CCDC24: variants seen among roughly 807,000 people sequenced by gnomAD.
CCDC24 encodes the protein coiled-coil domain-containing protein 24.
In CCDC24, 34 loss-of-function variants were observed where a neutral mutation model predicts 31.6. The observed-to-expected ratio is 1.08, with a 90% CI of 0.82 to 1.43. The LOEUF (loss-of-function observed/expected upper bound fraction) is 1.43. Among genes scored for constraint, CCDC24 ranks in the 40% most tolerant of loss-of-function variants. The pLI is 0.00. For missense variants in CCDC24, 426 were observed against 391.1 expected, an observed-to-expected ratio of 1.09 and a Z score of -0.75; for synonymous variants, 175 against 157.3, an observed-to-expected ratio of 1.11 and a Z score of -0.84.
At chr1:43,991,773 A>G (rs1302545641) in intron 1 of CCDC24, 27 bp downstream of exon 1, 2 of 1,425,128 alleles carry the variant, frequency 1.4e-6, no homozygotes, top group South Asian at 1.2e-5. Flanking sequence ...GGCGGGGCCC[A>G]TAGAGGGGCG....
At chr1:43,992,922 A>G (rs1469086909) in intron 4 of CCDC24, among the ~76,000 whole-genome samples, 20 of 152,230 alleles carry the variant, frequency 1.3e-4, no homozygotes, top group Non-Finnish European at 2.4e-4. Flanking sequence ...CTTTGTAGGA[A>G]GAGGGAAGAA....
chr1:43,994,733 G>C (rs561640746), intron 5 of CCDC24: 2 of 237,130 alleles, frequency 8.4e-6, no homozygotes, highest in African/African-American at 4.5e-5. Context: ...GAGCCACCTC[G>C]CCTGGCCGAC....
chr1:43,991,731 CA>C lies in CCDC24; in HGVS notation c.-47del. 1 of 1,051,602 alleles carries C rather than the reference CA, an allele frequency of 9.5e-7. No individual in the cohort carries two copies. The highest frequency in any genetic ancestry group is 1.4e-6 in the Non-Finnish European group (1 of 704,534). The allele number at this position is 1,051,602 out of a possible 1,614,324, so 65.1% of individuals were successfully genotyped here. A position where few individuals can be genotyped will look rare whatever the true frequency, so the allele number is the denominator to read the frequency against. ...AACGGGCAATCCCAGCCGAGGGGAC[CA>C]GCGGCAGAGCACGGGTGGGGCTTGG... On this transcript the variant is annotated 5_prime_UTR_variant, in exon 1 of 9. Coordinates refer to ENST00000372318, the MANE Select transcript of CCDC24 (RefSeq NM_152499.4).
chr1:43,994,739 C>T lies in CCDC24; in HGVS notation c.498-369C>T, dbSNP rs2085801233. On this transcript the variant is annotated intron_variant, in intron 5 of 8. Coordinates refer to ENST00000372318, the MANE Select transcript of CCDC24 (RefSeq NM_152499.4). Reference sequence around the variant, plus strand: ...TACAGGCATGAGCCACCTCGCCTGGCCGACCCTGTTTCAAAAATAAATACC... The same window carrying T: ...TACAGGCATGAGCCACCTCGCCTGGTCGACCCTGTTTCAAAAATAAATACC... The T allele has an allele frequency of 2.0e-5, 5 of 253,392 alleles. No homozygotes were observed. The South Asian group carries it at 4.0e-4, about 20-fold the overall frequency. The allele number at this position is 253,392 out of a possible 1,614,324, so 15.7% of individuals were successfully genotyped here.
chr1:43,996,486 G>GAGAC lies in CCDC24; in HGVS notation c.*329_*332dup, dbSNP rs748772159. ...CCAGACAAAGCACAGCAGCCGCTCAGAGACAGGAATAGAAATTTCATTAAA... is the reference window on the plus strand; with the variant it reads ...CCAGACAAAGCACAGCAGCCGCTCAGAGACAGACAGGAATAGAAATTTCATTAAA... On this transcript the variant is annotated 3_prime_UTR_variant, in exon 9 of 9. Transcript: ENST00000372318. 7 of 344,430 alleles carry GAGAC rather than the reference G, an allele frequency of 2.0e-5. No individual in the cohort carries two copies. The highest frequency in any genetic ancestry group is 3.7e-5 in the Non-Finnish European group (7 of 189,962). The allele number at this position is 344,430 out of a possible 1,614,324, so 21.3% of individuals were successfully genotyped here.
chr1:43,995,424 A>ACTAT lies in CCDC24; in HGVS notation c.553-174_553-171dup. On this transcript the variant is annotated intron_variant, in intron 6 of 8. Coordinates refer to ENST00000372318, the MANE Select transcript of CCDC24 (RefSeq NM_152499.4). The surrounding 1 kb of genome is among the most constrained non-coding windows in gnomAD (Gnocchi z 4.3). ...CCTAAGTCTGGGTACAGGCCCCACCACTATCTTGCCAAACTCAGCTCTTCC... is the reference window on the plus strand; with the variant it reads ...CCTAAGTCTGGGTACAGGCCCCACCACTATCTATCTTGCCAAACTCAGCTCTTCC... The ACTAT allele has an allele frequency of 2.7e-6, 2 of 752,542 alleles. No individual in the cohort carries two copies. The highest frequency in any genetic ancestry group is 2.1e-6 in the Non-Finnish European group (1 of 472,862). The allele number at this position is 752,542 out of a possible 1,614,324, so 46.6% of individuals were successfully genotyped here.
At position 43,994,053 on chromosome 1, in the gene CCDC24, G is replaced by A. The variant is rs543055970; in HGVS notation, c.497+89G>A. On this transcript the variant is annotated intron_variant, in intron 5 of 8. Coordinates refer to ENST00000372318, the MANE Select transcript of CCDC24 (RefSeq NM_152499.4). ...GCTGGGATTGTGAGACAGGAGGTGG[G>A]TAGTATACTTGGCGGGGAGGCCCAT... 37 of 1,204,784 alleles carry A rather than the reference G, an allele frequency of 3.1e-5. No homozygotes were observed. In the East Asian group the frequency reaches 8.3e-4, roughly 27 times the overall value. The allele number at this position is 1,204,784 out of a possible 1,614,324, so 74.6% of individuals were successfully genotyped here. A position where few individuals can be genotyped will look rare whatever the true frequency, so the allele number is the denominator to read the frequency against.
rs201854412 is a variant in CCDC24, at chr1:43,992,240, A to G, written c.155A>G (p.Glu52Gly). The G allele has an allele frequency of 7.5e-5, 121 of 1,613,462 alleles. No homozygotes were observed. The highest frequency in any genetic ancestry group is 1.0e-4 in the Non-Finnish European group (118 of 1,179,814). ...GCGATGTTACGGGCACTGCTCCAAG[A>G]GGCTCGATCCTCTCAAGCCCCCAGC... Reference protein sequence around the residue: ...EVAMLRALLQEARSSQAPSSR... With the variant: ...EVAMLRALLQGARSSQAPSSR... The change falls in exon 3 of 9, where the codon GAG becomes GGG. Residue 52 changes from glutamate (E) to glycine (G), a missense_variant. Glu to Gly is a moderately conservative substitution (Grantham distance 98). Transcript: ENST00000372318.
rs930313285 is a variant in CCDC24 at position 43,993,886 on chromosome 1, G to A, written c.420-1G>A. ...GAGAGTGATAGTGACTTCATTGCCA[G>A]CAGCGGTCACAGAGATCTCAGCATC... is the stretch of plus-strand genomic sequence containing the variant. On this transcript the variant is annotated splice_acceptor_variant, in intron 4 of 8. Transcript: ENST00000372318. LOFTEE classifies it high-confidence loss of function. The A allele has an allele frequency of 1.2e-6, 2 of 1,614,144 alleles. No homozygotes were observed. The highest frequency in any genetic ancestry group is 3.3e-5 in the Admixed American group (2 of 60,032).
rs2085813647 is a variant in CCDC24, at chr1:43,995,126, G to C, written c.516G>C (p.Glu172Asp). ...ARHLRGLLEE[E>D]CHTLEREILI... ...GTCCCAGGGGCCTTCTGGAGGAGGA[G>C]TGTCACACCTTGGAGAGGGAGATCC... The change falls in exon 6 of 9, where the codon GAG becomes GAC. Residue 172 changes from glutamate (E) to aspartate (D), a missense_variant. By Grantham distance (45) the Glu-to-Asp change is conservative. Transcript: ENST00000372318. This position sits in a 1 kb window ranked among gnomAD's most constrained non-coding sequence, Gnocchi z 4.3. The C allele has an allele frequency of 1.9e-6, 3 of 1,583,156 alleles. No homozygotes were observed. Among genetic ancestry groups the C allele is most frequent in the Admixed American group, 1.8e-5 (1 of 56,168 alleles).
At position 43,995,915 on chromosome 1, in the gene CCDC24, C is replaced by T. The variant is rs763976048; in HGVS notation, c.702-23C>T. On this transcript the variant is annotated intron_variant, in intron 8 of 8. Coordinates refer to ENST00000372318, the MANE Select transcript of CCDC24 (RefSeq NM_152499.4). This position sits in a 1 kb window ranked among gnomAD's most constrained non-coding sequence, Gnocchi z 4.3. ...ACTGAAGGATCAGACCACCACCCCT[C>T]ACAGTTACTCTTTCTTGTCCAGGCA... 1.5e-5 allele frequency: 25 copies of T among 1,613,800 alleles called. No homozygotes were observed. Among genetic ancestry groups the T allele is most frequent in the Non-Finnish European group, 1.9e-5 (23 of 1,179,706 alleles).
In CCDC24 at chr1:43,996,316, C is replaced by T; in HGVS notation, c.*156C>T. 1 of 666,046 alleles carries T rather than the reference C, an allele frequency of 1.5e-6. No individual in the cohort carries two copies. Among genetic ancestry groups the T allele is most frequent in the South Asian group, 2.1e-5 (1 of 48,572 alleles). 41.3% of individuals were successfully genotyped at this position (666,046 alleles called of 1,614,324 possible). ...GGTCTGTCTGGCCCTTGCCCCACCC[C>T]CTTGCCAGATCCCTGGTGTCTGGAG... On this transcript the variant is annotated 3_prime_UTR_variant, in exon 9 of 9. Transcript: ENST00000372318.
At position 43,992,405 on chromosome 1, in the gene CCDC24, G is replaced by T. The variant is rs2085762817; in HGVS notation, c.302+18G>T. 1 of 1,613,824 alleles carries T rather than the reference G, an allele frequency of 6.2e-7. No individual in the cohort carries two copies. The highest frequency in any genetic ancestry group is 2.2e-5 in the East Asian group (1 of 44,870). On this transcript the variant is annotated intron_variant, in intron 3 of 8. Coordinates refer to ENST00000372318, the MANE Select transcript of CCDC24 (RefSeq NM_152499.4). ...GAGGGCAGGTGGGAGCCTCAGGCCT[G>T]GGCCCTTTCCCTAGATACCAGGTGG...
chr1:43,995,919 G>T lies in CCDC24; in HGVS notation c.702-19G>T. The T allele has an allele frequency of 6.2e-7, 1 of 1,613,906 alleles. No individual in the cohort carries two copies. Among genetic ancestry groups the T allele is most frequent in the East Asian group, 2.2e-5 (1 of 44,880 alleles). On this transcript the variant is annotated intron_variant, in intron 8 of 8. Coordinates refer to ENST00000372318, the MANE Select transcript of CCDC24 (RefSeq NM_152499.4). This position sits in a 1 kb window ranked among gnomAD's most constrained non-coding sequence, Gnocchi z 4.3. ...AAGGATCAGACCACCACCCCTCACA[G>T]TTACTCTTTCTTGTCCAGGCAGCGG... is the stretch of plus-strand genomic sequence containing the variant.
chr1:43,991,985 G>A lies in CCDC24; in HGVS notation c.107G>A (p.Ser36Asn), dbSNP rs745782239. 54 of 1,512,050 alleles carry A rather than the reference G, an allele frequency of 3.6e-5. No homozygotes were observed. The highest frequency in any genetic ancestry group is 1.3e-5 in the South Asian group (1 of 79,518). The allele number at this position is 1,512,050 out of a possible 1,614,324, so 93.7% of individuals were successfully genotyped here. A position where few individuals can be genotyped will look rare whatever the true frequency, so the allele number is the denominator to read the frequency against. The change falls in exon 2 of 9, where the codon AGC becomes AAC. Residue 36 changes from serine (S) to asparagine (N), a missense_variant. Coordinates refer to ENST00000372318, the MANE Select transcript of CCDC24 (RefSeq NM_152499.4). ...CTGGGGGAGGCGGCGGTGGACCTGA[G>A]CCTGGAGCTGCGGGCGGAGGTGGGG... ...RILGEAAVDL[S>N]LELRAEVAML...
In CCDC24 at chr1:43,991,619, G is replaced by C. The variant is rs748431481; in HGVS notation, c.-160G>C. On this transcript the variant is annotated 5_prime_UTR_variant, in exon 1 of 9. Transcript: ENST00000372318. ...GCGGAAGAGGTGGGGCTAGGGCCCT[G>C]GTTCCCACTGCCTGGTTTCTGGGCC... 31 of 703,310 alleles carry C rather than the reference G, an allele frequency of 4.4e-5. 1 individual carries two copies. Among genetic ancestry groups the C allele is most frequent in the South Asian group, 4.3e-4 (29 of 67,596 alleles). The allele number at this position is 703,310 out of a possible 1,614,324, so 43.6% of individuals were successfully genotyped here. A position where few individuals can be genotyped will look rare whatever the true frequency, so the allele number is the denominator to read the frequency against.
In CCDC24 at chr1:43,995,960, A is replaced by G; in HGVS notation, c.724A>G (p.Thr242Ala). Reference protein sequence around the residue: ...NHRQRPLGSSTQGLRPPLPLC... With the variant: ...NHRQRPLGSSAQGLRPPLPLC... ...CAGGCAGCGGCCCTTGGGGTCCTCC[A>G]CACAGGGCCTCAGACCCCCGCTTCC... Residue 242 changes from threonine to alanine, a missense_variant, in exon 9 of 9, where the codon ACA becomes GCA. Coordinates refer to ENST00000372318, the MANE Select transcript of CCDC24 (RefSeq NM_152499.4). This position sits in a 1 kb window ranked among gnomAD's most constrained non-coding sequence, Gnocchi z 4.3. The G allele has an allele frequency of 1.2e-6, 2 of 1,614,130 alleles. No homozygotes were observed. Among genetic ancestry groups the G allele is most frequent in the Non-Finnish European group, 1.7e-6 (2 of 1,180,004 alleles).
rs143924931 is a variant in CCDC24, at chr1:43,996,083, C to T, written c.847C>T (p.Arg283Trp). ...RGQSATHRWG[R>W]QLQCSPREGP... ...CCAGTCGGCTACCCACCGCTGGGGA[C>T]GGCAGCTTCAGTGCAGCCCCAGGGA... The change falls in exon 9 of 9, where the codon CGG (arginine) becomes TGG (tryptophan). Residue 283 changes from arginine (R) to tryptophan (W), a missense_variant. Physicochemically the swap from Arg to Trp is moderately radical, Grantham distance 101. Coordinates refer to ENST00000372318, the MANE Select transcript of CCDC24 (RefSeq NM_152499.4). 12 of 1,613,896 alleles carry T rather than the reference C, an allele frequency of 7.4e-6. No individual in the cohort carries two copies. The highest frequency in any genetic ancestry group is 5.3e-5 in the African/African-American group (4 of 74,954).
rs1183827261 is a variant in CCDC24 at position 43,992,001 on chromosome 1, G to C, written c.123G>C (p.Ala41=). The change falls in exon 2 of 9, where the codon GCG becomes GCC. Residue 41 remains alanine, a synonymous_variant. Coordinates refer to ENST00000372318, the MANE Select transcript of CCDC24 (RefSeq NM_152499.4). ...AAVDLSLELR[A]EVAMLRALLQ... is the part of the protein sequence containing the mutation. ...TGGACCTGAGCCTGGAGCTGCGGGC[G>C]GAGGTGGGGAGAGGGAAGGTGGGCC... The C allele has an allele frequency of 1.3e-6, 2 of 1,497,888 alleles. No individual in the cohort carries two copies. The highest frequency in any genetic ancestry group is 2.8e-5 in the African/African-American group (2 of 72,018). The allele number at this position is 1,497,888 out of a possible 1,614,324, so 92.8% of individuals were successfully genotyped here.
Sources: gnomAD v4.1 joint callset for allele counts (sites outside exome capture counted in the v4.1 genomes callset) on GRCh38, gnomAD v4.1.1 for gene constraint, Gnocchi (gnomAD v3.1) non-coding constraint, MANE v1.5 for transcripts, NCBI Gene and HGNC (gene_info 2026-07-23, HGNC 2026-07-21) for gene names.